Variants in GALNT13 observed in about 807,000 individuals in gnomAD.
GALNT13 encodes UDP-GalNAc:polypeptide N-acetylgalactosaminyltransferase 13.
GALNT13 carries 28 observed loss-of-function variants against 64.2 expected under a neutral mutation model. The ratio of observed to expected loss-of-function variants is 0.44; its 90% confidence interval spans 0.32 to 0.60. The LOEUF (loss-of-function observed/expected upper bound fraction) is 0.60. Ranked by LOEUF, GALNT13 falls within the 20% of genes least tolerant of loss-of-function variation. The pLI, the probability that GALNT13 is intolerant of heterozygous loss-of-function variation, is 0.05. For synonymous variants in GALNT13, 214 were observed against 224.6 expected, an observed-to-expected ratio of 0.95 and a Z score of 0.42; for missense variants, 577 against 669.8, an observed-to-expected ratio of 0.86 and a Z score of 1.53.
intron 9 of GALNT13, among the ~76,000 whole-genome samples, chr2:154,345,039 G>A (rs1161959657): frequency 6.6e-6 from 1 of 151,928 alleles, no homozygotes; most frequent in African/African-American, 2.4e-5. Flanking sequence ...TCCCTAATTA[G>A]AAATGCCTTA....
chr2:153,748,856 A>G, the GALNT13 span, among the ~76,000 whole-genome samples: 2 of 151,838 alleles, frequency 1.3e-5, no homozygotes, highest in Admixed American at 1.3e-4. Context: ...CACCCTTATT[A>G]TAATGATACC....
At chr2:153,468,787 G>A in the GALNT13 span, among the ~76,000 whole-genome samples, 1 of 151,972 alleles carries the variant, frequency 6.6e-6, no homozygotes, top group African/African-American at 2.4e-5. Context: ...AAGTAGGCTT[G>A]GAGACCTCTC....
chr2:154,375,947 A>G (rs952406022), intron 9 of GALNT13, among the ~76,000 whole-genome samples: 1 of 152,196 alleles, frequency 6.6e-6, no homozygotes, highest in African/African-American at 2.4e-5. Flanking sequence ...AGGTTTTGTA[A>G]TTCTTTTAAA....
At chr2:153,709,883 C>T in the GALNT13 span, among the ~76,000 whole-genome samples, 1 of 151,804 alleles carries the variant, frequency 6.6e-6, no homozygotes, top group Non-Finnish European at 1.5e-5. Context: ...AACCTAGGCA[C>T]GGAAAGACAA....
At chr2:153,405,972 G>C in the GALNT13 span, among the ~76,000 whole-genome samples, 2 of 152,154 alleles carry the variant, frequency 1.3e-5, no homozygotes, top group Non-Finnish European at 2.9e-5. Context: ...AAGTAGGATT[G>C]GCAGGTGAGC....
chr2:153,813,783 T>A, the GALNT13 span, among the ~76,000 whole-genome samples: 1 of 152,198 alleles, frequency 6.6e-6, no homozygotes, highest in Non-Finnish European at 1.5e-5. Flanking sequence ...TACCATATCA[T>A]GACTTTAACA....
At chr2:154,106,817 C>T (rs1056014364) in intron 3 of GALNT13, among the ~76,000 whole-genome samples, 17 of 151,986 alleles carry the variant, frequency 1.1e-4, no homozygotes, top group African/African-American at 3.9e-4. Context: ...CAATGGGATA[C>T]GTAAGTCAAG....
chr2:153,953,333 CAAT>C (rs1311640482), intron 3 of GALNT13, among the ~76,000 whole-genome samples: 1 of 152,052 alleles, frequency 6.6e-6, no homozygotes, highest in Non-Finnish European at 1.5e-5. Flanking sequence ...AGTAATAACA[CAAT>C]AATAATTTTA....
chr2:153,648,433 T>A, the GALNT13 span, among the ~76,000 whole-genome samples: 1 of 152,318 alleles, frequency 6.6e-6, no homozygotes, highest in Non-Finnish European at 1.5e-5. Flanking sequence ...TGACTTCCTC[T>A]TTTTCTAATT....
chr2:153,139,372 G>A, the GALNT13 span, among the ~76,000 whole-genome samples: 1 of 151,932 alleles, frequency 6.6e-6, no homozygotes, highest in Non-Finnish European at 1.5e-5. Flanking sequence ...TGAATGTTAA[G>A]TTTCAGAAGA....
At chr2:154,320,133 AC>A (rs1360864197) in intron 9 of GALNT13, among the ~76,000 whole-genome samples, 7 of 152,108 alleles carry the variant, frequency 4.6e-5, no homozygotes, top group Non-Finnish European at 7.4e-5. Context: ...GTAGCTATTT[AC>A]CAAGATGAGG....
chr2:153,571,241 A>C, the GALNT13 span, among the ~76,000 whole-genome samples: 38 of 151,782 alleles, frequency 2.5e-4, no homozygotes, highest in African/African-American at 8.2e-4. Context: ...TTAGTTTTTA[A>C]ATTTCTTTTT....
chr2:154,394,106 G>A (rs562909802), intron 9 of GALNT13, among the ~76,000 whole-genome samples: 84 of 53,678 alleles, frequency 1.6e-3, no homozygotes, highest in African/African-American at 5.1e-3. Context: ...AAAAAAAAAG[G>A]TATGCAAATG....
At chr2:153,395,707 C>T in the GALNT13 span, among the ~76,000 whole-genome samples, 113 of 152,090 alleles carry the variant, frequency 7.4e-4, no homozygotes, top group African/African-American at 2.4e-3. Flanking sequence ...TGAAAATTTG[C>T]GAAACCTCTG....
Position 153,899,931 on chromosome 2 carries a change from ATATATT to A in GALNT13, c.-176-1003_-176-998del, listed in dbSNP as rs1315398352. Among the ~76,000 whole-genome samples, 220 of 102,508 alleles carry A rather than the reference ATATATT, an allele frequency of 2.1e-3. 1 individual carries two copies. The highest frequency in any genetic ancestry group is 6.7e-3 in the African/African-American group (195 of 29,290). 67.2% of individuals were successfully genotyped at this position (102,508 alleles called of 152,430 possible). A position where few individuals can be genotyped will look rare whatever the true frequency, so the allele number is the denominator to read the frequency against. ...GAGATATATACATATATATATATAT[ATATATT>A]TTTTTTTTTTTTTTTTGAGATGGAG... On this transcript the variant is annotated intron_variant, in intron 1 of 12. Transcript: ENST00000392825.
the GALNT13 span, among the ~76,000 whole-genome samples, chr2:153,331,523 G>A: frequency 3.3e-5 from 5 of 152,096 alleles, no homozygotes; most frequent in South Asian, 4.2e-4. Context: ...GAACCAGTCC[G>A]AGCCCCAAAA....
At chr2:153,101,662 A>G in the GALNT13 span, among the ~76,000 whole-genome samples, 2 of 152,250 alleles carry the variant, frequency 1.3e-5, no homozygotes, top group African/African-American at 4.8e-5. Flanking sequence ...AAAGTTCTTC[A>G]AAATTGACCT....
At chr2:153,300,894 T>G in the GALNT13 span, among the ~76,000 whole-genome samples, 2 of 152,196 alleles carry the variant, frequency 1.3e-5, no homozygotes, top group African/African-American at 4.8e-5. Context: ...TAATCAATCT[T>G]ATGATAATTC....
intron 9 of GALNT13, among the ~76,000 whole-genome samples, chr2:154,388,952 T>A (rs953706232): frequency 1.3e-5 from 2 of 152,184 alleles, no homozygotes; most frequent in African/African-American, 4.8e-5. Context: ...AGGAGCTTTA[T>A]CTCAATTTTT....
Sources: gnomAD v4.1 joint callset for allele counts (sites outside exome capture counted in the v4.1 genomes callset) on GRCh38, gnomAD v4.1.1 for gene constraint, MANE v1.5 for transcripts, NCBI Gene and HGNC (gene_info 2026-07-23, HGNC 2026-07-21) for gene names.